PPIP5K1: variants seen among roughly 807,000 people sequenced by gnomAD.
PPIP5K1 encodes the protein diphosphoinositol pentakisphosphate kinase 1, also known as inositol hexakisphosphate and diphosphoinositol-pentakisphosphate kinase 1.
In PPIP5K1, 6 loss-of-function variants were observed where a neutral mutation model predicts 27.7. That is an observed-to-expected ratio of 0.22 (90% CI 0.12 to 0.43). PPIP5K1 has a LOEUF of 0.43. Ranked by LOEUF, PPIP5K1 falls within the 20% of genes least tolerant of loss-of-function variation. The probability of loss-of-function intolerance (pLI) is 1.00; values close to 1 mark genes in which losing one functional copy is unlikely to be tolerated. For missense variants in PPIP5K1, 394 were observed against 635.4 expected, an observed-to-expected ratio of 0.62 and a Z score of 4.08; for synonymous variants, 145 against 242.6, an observed-to-expected ratio of 0.60 and a Z score of 3.74.
In PPIP5K1 at chr15:43,534,458, G is replaced by A; in HGVS notation, c.*216C>T. 1 of 450,462 alleles carries A rather than the reference G, an allele frequency of 2.2e-6. No homozygotes were observed. The highest frequency in any genetic ancestry group is 3.9e-6 in the Non-Finnish European group (1 of 258,016). The allele number at this position is 450,462 out of a possible 1,614,324, so 27.9% of individuals were successfully genotyped here. A position where few individuals can be genotyped will look rare whatever the true frequency, so the allele number is the denominator to read the frequency against. ...AGACACCGCTGGTGAGAGCTGGCCA[G>A]TGAGTTAGCCAACAGAAAAGGTTGC... On this transcript the variant is annotated 3_prime_UTR_variant, in exon 32 of 32. Coordinates refer to ENST00000420765, the MANE Select transcript of PPIP5K1 (RefSeq NM_001394395.1).
intron 10 of PPIP5K1, among the ~76,000 whole-genome samples, chr15:43,579,654 T>C (rs2084793481): frequency 3.8e-5 from 1 of 26,620 alleles, no homozygotes; most frequent in Non-Finnish European, 5.8e-5. Context: ...TATATATATA[T>C]TTTTTTTTTT....
chr15:43,543,911 C>G (rs1449277593), intron 30 of PPIP5K1, among the ~76,000 whole-genome samples: 1 of 151,678 alleles, frequency 6.6e-6, no homozygotes, highest in Non-Finnish European at 1.5e-5. Context: ...AATTATAGTT[C>G]TTTTTGTCCC....
chr15:43,539,707 T>C, intron 30 of PPIP5K1, 124 bp from the exon 31 acceptor site: 2 of 616,890 alleles, frequency 3.2e-6, no homozygotes, highest in Non-Finnish European at 5.8e-6. Flanking sequence ...GAAGTAGCAT[T>C]TCCTGGGGAC....
chr15:43,537,603 C>T (rs1264807294), intron 31 of PPIP5K1, among the ~76,000 whole-genome samples: 1 of 144,910 alleles, frequency 6.9e-6, no homozygotes, highest in East Asian at 2.1e-4. Context: ...GTAGGAGAAT[C>T]ACTTGAGCCT....
At chr15:43,540,285 C>T (rs1479431537) in intron 30 of PPIP5K1, among the ~76,000 whole-genome samples, 1 of 151,746 alleles carries the variant, frequency 6.6e-6, no homozygotes, top group East Asian at 1.9e-4. Context: ...ATTTTTCCAG[C>T]TGGGTGTGGT....
chr15:43,541,273 T>A (rs187822654), intron 30 of PPIP5K1, among the ~76,000 whole-genome samples: 108 of 152,178 alleles, frequency 7.1e-4, no homozygotes, highest in African/African-American at 2.5e-3. Context: ...TCACCACTCC[T>A]GGCTAATTTT....
chr15:43,545,118 C>T lies in PPIP5K1; in HGVS notation c.3557-5535G>A, dbSNP rs1387903816. On this transcript the variant is annotated intron_variant, in intron 30 of 31. Coordinates refer to ENST00000420765, the MANE Select transcript of PPIP5K1 (RefSeq NM_001394395.1). ...ACGTGAACCCAGGAGGCAGAGCTTG[C>T]AGTGAGCCGAGATGGCACTACTGCA... Among the ~76,000 whole-genome samples, 5 of 150,868 alleles carry T rather than the reference C, an allele frequency of 3.3e-5. No individual in the cohort carries two copies. The South Asian group carries it at 1.0e-3, about 32-fold the overall frequency.
intron 30 of PPIP5K1, among the ~76,000 whole-genome samples, chr15:43,557,392 C>T (rs2083118395): frequency 6.6e-6 from 1 of 152,050 alleles, no homozygotes; most frequent in Non-Finnish European, 1.5e-5. Flanking sequence ...AGGTTGTAGT[C>T]AGCTGAGATC....
chr15:43,550,498 A>G (rs1002548600), intron 30 of PPIP5K1, among the ~76,000 whole-genome samples: 1 of 152,058 alleles, frequency 6.6e-6, no homozygotes, highest in African/African-American at 2.4e-5. Context: ...TAGCTTTAAT[A>G]GCCGCTTTTT....
intron 30 of PPIP5K1, among the ~76,000 whole-genome samples, chr15:43,540,655 T>C (rs1223905394): frequency 6.7e-6 from 1 of 150,174 alleles, no homozygotes; most frequent in Non-Finnish European, 1.5e-5. Context: ...CGAGATCGCA[T>C]CATTGCACTC....
intron 30 of PPIP5K1, among the ~76,000 whole-genome samples, chr15:43,557,726 G>A (rs1326303799): frequency 2.6e-5 from 4 of 151,380 alleles, no homozygotes; most frequent in East Asian, 1.9e-4. Context: ...GCGCAGTGGC[G>A]TGATCATAGC....
chr15:43,552,693 C>A (rs1179275394), intron 30 of PPIP5K1, among the ~76,000 whole-genome samples: 9 of 143,466 alleles, frequency 6.3e-5, no homozygotes, highest in Non-Finnish European at 1.2e-4. Context: ...AGAGTGAGAC[C>A]CTGTCTCAAA....
chr15:43,536,765 A>C (rs1171632083), intron 31 of PPIP5K1, among the ~76,000 whole-genome samples: 3 of 152,160 alleles, frequency 2.0e-5, no homozygotes, highest in African/African-American at 7.2e-5. Context: ...CAGAGTCTTC[A>C]ATTACACTGT....
chr15:43,555,598 G>C (rs1467224465), intron 30 of PPIP5K1, among the ~76,000 whole-genome samples: 7 of 141,578 alleles, frequency 4.9e-5, no homozygotes, highest in Non-Finnish European at 9.3e-5. Context: ...ATTTTTGTTT[G>C]TTTGTTTTTA....
chr15:43,559,458 T>C (rs891152176), intron 29 of PPIP5K1, among the ~76,000 whole-genome samples: 11 of 152,164 alleles, frequency 7.2e-5, no homozygotes, highest in Non-Finnish European at 1.2e-4. Context: ...AATACTTGGA[T>C]GCAAACTGGA....
In PPIP5K1 at chr15:43,534,747, A is replaced by G. The variant is rs1397247587; in HGVS notation, c.4400T>C (p.Ile1467Thr). 1 of 1,553,210 alleles carries G rather than the reference A, an allele frequency of 6.4e-7. No individual in the cohort carries two copies. The highest frequency in any genetic ancestry group is 8.7e-7 in the Non-Finnish European group (1 of 1,152,558). The change falls in exon 32 of 32, where the codon ATT becomes ACT. Residue 1467 changes from isoleucine (I) to threonine (T), a missense_variant. Ile to Thr is a moderately conservative substitution (Grantham distance 89). Coordinates refer to ENST00000420765, the MANE Select transcript of PPIP5K1 (RefSeq NM_001394395.1). Reference sequence around the variant, plus strand: ...AGGGAACTCTTGGGATGGTTTATCAATCTCAGGGATGCCCTGAGATAACAG... The same window carrying G: ...AGGGAACTCTTGGGATGGTTTATCAGTCTCAGGGATGCCCTGAGATAACAG... ...INLLSQGIPE[I>T]DKPSQEFPEE...
Sources: gnomAD v4.1 joint callset for allele counts (sites outside exome capture counted in the v4.1 genomes callset) on GRCh38, gnomAD v4.1.1 for gene constraint, MANE v1.5 for transcripts, NCBI Gene and HGNC (gene_info 2026-07-23, HGNC 2026-07-21) for gene names.